Variants in CCDC102B observed in about 807,000 individuals in gnomAD.
The protein encoded by CCDC102B is coiled-coil domain-containing protein 102B.
A neutral mutation model predicts 57.4 loss-of-function variants in CCDC102B; 75 were observed. The ratio of observed to expected loss-of-function variants is 1.31; its 90% confidence interval spans 1.08 to 1.58. The LOEUF is 1.58. Among genes scored for constraint, CCDC102B ranks in the 40% most tolerant of loss-of-function variants. CCDC102B has a pLI of 0.00. For missense variants in CCDC102B, 636 were observed against 582.6 expected (o/e 1.09, Z -0.94); for synonymous variants, 206 against 201.9 (o/e 1.02, Z -0.17).
chr18:68,912,769 A>T (rs571045429), intron 6 of CCDC102B, among the ~76,000 whole-genome samples: 1 of 152,220 alleles, frequency 6.6e-6, no homozygotes, highest in East Asian at 1.9e-4. Flanking sequence ...TGGCCAAGTA[A>T]TACTCTTTGT....
intron 2 of CCDC102B, among the ~76,000 whole-genome samples, chr18:68,748,757 T>C (rs1461721847): frequency 6.6e-6 from 1 of 152,214 alleles, no homozygotes; most frequent in African/African-American, 2.4e-5. Context: ...AATGGAACTC[T>C]AAAGTGTAAA....
In CCDC102B at chr18:68,962,369, G is replaced by A. The variant is rs186770463; in HGVS notation, c.1264-48565G>A. Reference sequence around the variant, plus strand: ...GTGAATGCCCTTGGGTGACTCTGACGTGTCAATACAACCTCTGCTCCTTAT... The same window carrying A: ...GTGAATGCCCTTGGGTGACTCTGACATGTCAATACAACCTCTGCTCCTTAT... On this transcript the variant is annotated intron_variant, in intron 6 of 7. Transcript: ENST00000360242. Among the ~76,000 whole-genome samples, 5 of 152,070 alleles carry A rather than the reference G, an allele frequency of 3.3e-5. No individual in the cohort carries two copies. In the East Asian group the frequency reaches 5.8e-4, roughly 18 times the overall value.
chr18:68,753,562 CTCT>C (rs912013464), intron 2 of CCDC102B: 1 of 152,776 alleles, frequency 6.5e-6, no homozygotes, highest in African/African-American at 2.4e-5. Flanking sequence ...TCTCCTCTCT[CTCT>C]CTTTTTGAGA....
chr18:68,916,293 G>C, intron 6 of CCDC102B, among the ~76,000 whole-genome samples: 1 of 152,052 alleles, frequency 6.6e-6, no homozygotes, highest in East Asian at 1.9e-4. Context: ...CACAGCATGT[G>C]CCAAACTAAA....
chr18:68,992,064 G>A (rs77920394), intron 6 of CCDC102B, among the ~76,000 whole-genome samples: 3,922 of 151,932 alleles, frequency 0.026, 116 homozygotes, highest in East Asian at 0.13. Flanking sequence ...ATTTTTGCCA[G>A]TTATTGTATC....
intron 5 of CCDC102B, among the ~76,000 whole-genome samples, chr18:68,879,246 A>G (rs1452842123): frequency 2.0e-5 from 3 of 152,110 alleles, no homozygotes; most frequent in Non-Finnish European, 4.4e-5. Context: ...TGGCTTCAGG[A>G]GTGAAGCTGC....
intron 6 of CCDC102B, chr18:68,907,970 A>C (rs1073737): frequency 1.3e-5 from 2 of 152,070 alleles, no homozygotes; most frequent in African/African-American, 2.4e-5. Context: ...ACTTTTTTCT[A>C]ATTTATTGTT....
chr18:68,876,968 C>A (rs1233849352), intron 5 of CCDC102B, among the ~76,000 whole-genome samples: 1 of 152,072 alleles, frequency 6.6e-6, no homozygotes, highest in Non-Finnish European at 1.5e-5. Context: ...GTTGAATAAC[C>A]AATGAAAGCC....
chr18:68,765,414 AAG>A (rs2034435975), intron 2 of CCDC102B, among the ~76,000 whole-genome samples: 1 of 151,176 alleles, frequency 6.6e-6, no homozygotes. Flanking sequence ...GAAGGAAGGA[AAG>A]AGAAAGAGAA....
chr18:68,937,918 C>G (rs1168481406), intron 6 of CCDC102B, among the ~76,000 whole-genome samples: 1 of 152,032 alleles, frequency 6.6e-6, no homozygotes, highest in Non-Finnish European at 1.5e-5. Flanking sequence ...TCATCCATGT[C>G]TCTGGAAAGG....
chr18:68,912,650 C>T (rs2040916750), intron 6 of CCDC102B, among the ~76,000 whole-genome samples: 1 of 152,072 alleles, frequency 6.6e-6, no homozygotes, highest in Non-Finnish European at 1.5e-5. Flanking sequence ...TGTTAAGAGG[C>T]AACTAATAAA....
intron 1 of CCDC102B, among the ~76,000 whole-genome samples, chr18:68,802,678 G>A (rs542169922): frequency 5.3e-5 from 8 of 152,318 alleles, no homozygotes; most frequent in East Asian, 3.9e-4. Flanking sequence ...ATGGTTGGCC[G>A]TCATTGTTTC....
At chr18:68,786,449 C>G (rs2035216261) in intron 2 of CCDC102B, among the ~76,000 whole-genome samples, 15 of 138,332 alleles carry the variant, frequency 1.1e-4, no homozygotes, top group African/African-American at 3.7e-4. Context: ...TTGATTCTTC[C>G]TACCCATGAG....
chr18:68,868,722 G>A (rs1312398793), intron 4 of CCDC102B, among the ~76,000 whole-genome samples: 1 of 152,152 alleles, frequency 6.6e-6, no homozygotes, highest in Non-Finnish European at 1.5e-5. Flanking sequence ...CATTAAAAAT[G>A]TGTGTATCAA....
chr18:68,813,270 C>T (rs1427926564), intron 1 of CCDC102B, among the ~76,000 whole-genome samples: 1 of 152,098 alleles, frequency 6.6e-6, no homozygotes, highest in African/African-American at 2.4e-5. Context: ...TGATTGTACG[C>T]TTCCTGAGGC....
intron 1 of CCDC102B, among the ~76,000 whole-genome samples, chr18:68,825,467 T>A (rs7243447): frequency 0.43 from 64,777 of 151,938 alleles, 15,005 homozygotes; most frequent in East Asian, 0.86. Context: ...AGGTGGGCAG[T>A]TCACTTGAAG....
chr18:68,840,150 G>T (rs141749096), intron 3 of CCDC102B, among the ~76,000 whole-genome samples: 81 of 152,004 alleles, frequency 5.3e-4, no homozygotes, highest in African/African-American at 1.6e-3. Context: ...TATAAATAAG[G>T]TTCCAAAATC....
intron 6 of CCDC102B, among the ~76,000 whole-genome samples, chr18:68,936,319 C>G (rs1183030954): frequency 6.6e-6 from 1 of 151,894 alleles, no homozygotes; most frequent in African/African-American, 2.4e-5. Context: ...AATGATATAC[C>G]TGTTAAAGGA....
chr18:68,779,449 A>C (rs2034932303), intron 2 of CCDC102B, among the ~76,000 whole-genome samples: 1 of 152,186 alleles, frequency 6.6e-6, no homozygotes. Flanking sequence ...GCAATTGAAA[A>C]GTATGAAGAA....
Sources: allele counts gnomAD v4.1 joint callset (sites outside exome capture counted in the v4.1 genomes callset), GRCh38; gene constraint gnomAD v4.1.1; transcripts MANE v1.5; gene names NCBI Gene and HGNC (gene_info 2026-07-23, HGNC 2026-07-21).